UEVLD: variants seen among roughly 807,000 people sequenced by gnomAD.
UEVLD encodes ubiquitin-conjugating enzyme E2 variant 3.
A neutral mutation model predicts 58.6 loss-of-function variants in UEVLD; 47 were observed. That is an observed-to-expected ratio of 0.80 (90% confidence interval 0.63 to 1.02). The LOEUF (loss-of-function observed/expected upper bound fraction) is 1.02. UEVLD is among the 50% of genes least tolerant of loss of function. The pLI, the probability that UEVLD is intolerant of heterozygous loss-of-function variation, is 0.00. For synonymous variants in UEVLD, 197 were observed against 195.3 expected (o/e 1.01, Z -0.07); for missense variants, 510 against 550.6 (o/e 0.93, Z 0.74).
At chr11:18,547,171 A>G in intron 7 of UEVLD, 121 bp from the exon 8 acceptor site, 1 of 938,676 alleles carries the variant, frequency 1.1e-6, no homozygotes, top group Non-Finnish European at 1.5e-6. Flanking sequence ...CTCCCCATAA[A>G]TCAACCCCAG....
At chr11:18,566,842 A>C (rs759728679) in intron 4 of UEVLD, among the ~76,000 whole-genome samples, 8 of 152,244 alleles carry the variant, frequency 5.3e-5, no homozygotes, top group Non-Finnish European at 1.2e-4. Context: ...TGCTAATTCA[A>C]CATTTCCCAA....
intron 4 of UEVLD, 102 bp from the exon 5 acceptor site, chr11:18,566,584 G>T: frequency 7.9e-7 from 1 of 1,263,790 alleles, no homozygotes; most frequent in Non-Finnish European, 1.1e-6. Flanking sequence ...AGTTTCAGAT[G>T]CAGTGAGTTA....
intron 9 of UEVLD, among the ~76,000 whole-genome samples, chr11:18,543,496 T>C (rs1358583001): frequency 6.6e-6 from 1 of 152,212 alleles, no homozygotes; most frequent in Non-Finnish European, 1.5e-5. Flanking sequence ...TCTATTAAAA[T>C]CCTATTCATT....
chr11:18,580,207 G>A (rs1853165370), intron 1 of UEVLD, among the ~76,000 whole-genome samples: 1 of 152,016 alleles, frequency 6.6e-6, no homozygotes, highest in African/African-American at 2.4e-5. Context: ...AACAAGTGTT[G>A]GAGAGGATGT....
intron 6 of UEVLD, among the ~76,000 whole-genome samples, chr11:18,560,136 C>G (rs942464268): frequency 7.6e-5 from 6 of 79,398 alleles, no homozygotes; most frequent in Non-Finnish European, 1.1e-4. Context: ...CACACACACA[C>G]ACAGAGAGAG....
intron 5 of UEVLD, among the ~76,000 whole-genome samples, chr11:18,565,900 C>A: frequency 7.4e-6 from 1 of 135,836 alleles, no homozygotes; most frequent in South Asian, 2.3e-4. Context: ...CTTTTTTTTT[C>A]TTTTTTTTTT....
chr11:18,540,398 A>G (rs1222042316), intron 9 of UEVLD, among the ~76,000 whole-genome samples: 3 of 152,242 alleles, frequency 2.0e-5, no homozygotes, highest in African/African-American at 7.2e-5. Context: ...AACAGTTGGT[A>G]TCTATACATG....
chr11:18,570,280 G>T lies in UEVLD; in HGVS notation c.291C>A (p.Ile97=). ...CFLKPTANMG[I]LVGKHVDAQG... ...GAGCATCCACATGTTTTCCGACTAA[G>T]ATTCCCATATTTGCAGTTGGCTTCA... Residue 97 remains isoleucine (I), a synonymous_variant, in exon 4 of 12, where the codon ATC becomes ATA. Coordinates refer to ENST00000396197, the MANE Select transcript of UEVLD (RefSeq NM_001040697.4). 6.2e-7 allele frequency: 1 copy of T among 1,602,880 alleles called. No homozygotes were observed. Among genetic ancestry groups the T allele is most frequent in the South Asian group, 1.1e-5 (1 of 88,572 alleles).
At chr11:18,587,800 CA>C (rs112055885) in intron 1 of UEVLD, 26,947 of 144,370 alleles carry the variant, frequency 0.19, 2,756 homozygotes, top group East Asian at 0.41. Context: ...AAGACTCTGT[CA>C]AAAAAAAAAA....
intron 6 of UEVLD, among the ~76,000 whole-genome samples, chr11:18,563,468 G>C (rs1360539089): frequency 6.6e-6 from 1 of 152,130 alleles, no homozygotes; most frequent in Non-Finnish European, 1.5e-5. Flanking sequence ...GCTGGCGCCT[G>C]TAAGCCCAGC....
chr11:18,541,713 GA>G (rs1187351758), intron 9 of UEVLD, among the ~76,000 whole-genome samples: 3 of 152,132 alleles, frequency 2.0e-5, no homozygotes, highest in African/African-American at 4.8e-5. Context: ...ATGTGATCAG[GA>G]AAAAACCTTT....
intron 1 of UEVLD, among the ~76,000 whole-genome samples, chr11:18,583,017 G>C (rs191038681): frequency 6.6e-6 from 1 of 151,990 alleles, no homozygotes; most frequent in Non-Finnish European, 1.5e-5. Flanking sequence ...CCATTTCCCG[G>C]GTTCAAGCAA....
intron 9 of UEVLD, among the ~76,000 whole-genome samples, chr11:18,540,820 G>A (rs1328772992): frequency 6.6e-6 from 1 of 152,128 alleles, no homozygotes; most frequent in African/African-American, 2.4e-5. Flanking sequence ...CAGCCTTCCA[G>A]TCATTTCCAG....
In UEVLD at chr11:18,530,749, G is replaced by A. The variant is rs10734260; in HGVS notation, c.*1571C>T. 147,632 of 148,932 alleles carry A rather than the reference G, an allele frequency of 0.99. 73,187 individuals are homozygous for A. The highest frequency in any genetic ancestry group is 1 in the Middle Eastern group (296 of 296). The allele number at this position is 148,932 out of a possible 1,614,324, so 9.2% of individuals were successfully genotyped here. ...AACTTTTTTTTTTTTTTTTTGAGAC[G>A]GAGTCTTGCTCTGTCGCCCAGGCTG... On this transcript the variant is annotated 3_prime_UTR_variant, in exon 12 of 12. Coordinates refer to ENST00000396197, the MANE Select transcript of UEVLD (RefSeq NM_001040697.4).
intron 1 of UEVLD, among the ~76,000 whole-genome samples, chr11:18,583,783 T>C (rs928041084): frequency 6.7e-6 from 1 of 149,780 alleles, no homozygotes; most frequent in African/African-American, 2.5e-5. Flanking sequence ...TGCCTCAGCC[T>C]CTCGAGTAGC....
chr11:18,582,531 C>T (rs1853298447), intron 1 of UEVLD, among the ~76,000 whole-genome samples: 1 of 149,716 alleles, frequency 6.7e-6, no homozygotes, highest in African/African-American at 2.5e-5. Flanking sequence ...AGATGGGTTT[C>T]ACCATGTTGC....
At chr11:18,584,667 C>T (rs1015116720) in intron 1 of UEVLD, among the ~76,000 whole-genome samples, 3 of 152,134 alleles carry the variant, frequency 2.0e-5, no homozygotes, top group Non-Finnish European at 4.4e-5. Flanking sequence ...GAGTCTTGCT[C>T]TGTTGCCCAG....
chr11:18,570,500 C>T, intron 3 of UEVLD, 123 bp from the exon 4 acceptor site: 1 of 903,980 alleles, frequency 1.1e-6, no homozygotes, highest in Non-Finnish European at 1.6e-6. Context: ...AATCCCAGCA[C>T]TTTGGGATGC....
Position 18,546,887 on chromosome 11 carries a change from A to C in UEVLD, c.879T>G (p.Ser293=). ...YSQHSVLLVA[S]QPVEIMTYVT... ...TAAAATAAAGCATTTTACCTGGTTGAGATGCAACGAGCAGGACACTGTGTT... is the reference window on the plus strand; with the variant it reads ...TAAAATAAAGCATTTTACCTGGTTGCGATGCAACGAGCAGGACACTGTGTT... Residue 293 remains serine (S), a synonymous_variant, in exon 8 of 12, where the codon TCT becomes TCG. Transcript: ENST00000396197. 6.2e-7 allele frequency: 1 copy of C among 1,612,620 alleles called. No homozygotes were observed.
Sources: gnomAD v4.1 joint callset for allele counts (sites outside exome capture counted in the v4.1 genomes callset) on GRCh38, gnomAD v4.1.1 for gene constraint, MANE v1.5 for transcripts, NCBI Gene and HGNC (gene_info 2026-07-23, HGNC 2026-07-21) for gene names.